The following AGTPBP1 variants were observed in gnomAD, a reference collection of about 807,000 sequenced individuals.
AGTPBP1 encodes the protein cytosolic carboxypeptidase 1.
In AGTPBP1, 70 loss-of-function variants were observed where a neutral mutation model predicts 143.9. The ratio of observed to expected loss-of-function variants is 0.49; its 90% CI spans 0.40 to 0.59. The LOEUF (loss-of-function observed/expected upper bound fraction) is 0.59, where lower values mean the gene tolerates loss of function less well. AGTPBP1 is among the 20% of genes least tolerant of loss of function. AGTPBP1 has a pLI of 0.00. For synonymous variants in AGTPBP1, 463 were observed against 500.2 expected (o/e 0.93, Z 0.99); for missense variants, 1,229 against 1,464.5 (o/e 0.84, Z 2.62).
intron 3 of AGTPBP1, among the ~76,000 whole-genome samples, chr9:85,685,195 G>A (rs1835417152): frequency 6.6e-6 from 1 of 151,460 alleles, no homozygotes; most frequent in Admixed American, 6.6e-5. Flanking sequence ...GAAAATAAGG[G>A]AGAAAAAAAA....
chr9:85,778,023 T>C, the AGTPBP1 span, among the ~76,000 whole-genome samples: 1 of 152,168 alleles, frequency 6.6e-6, no homozygotes, highest in Non-Finnish European at 1.5e-5. Flanking sequence ...CCCTGTCAAC[T>C]GATCATAGGG....
chr9:85,615,313 A>G (rs1349830904), intron 17 of AGTPBP1, among the ~76,000 whole-genome samples: 1 of 152,132 alleles, frequency 6.6e-6, no homozygotes, highest in African/African-American at 2.4e-5. Context: ...GAGAAATCCA[A>G]CTTCTAGGAA....
At chr9:85,647,343 C>T (rs1391930610) in intron 11 of AGTPBP1, among the ~76,000 whole-genome samples, 2 of 152,146 alleles carry the variant, frequency 1.3e-5, no homozygotes, top group African/African-American at 2.4e-5. Flanking sequence ...TTGTATGTGG[C>T]CCATGGGCAG....
At chr9:85,609,446 C>T (rs1030992015) in intron 17 of AGTPBP1, among the ~76,000 whole-genome samples, 1 of 151,994 alleles carries the variant, frequency 6.6e-6, no homozygotes, top group Non-Finnish European at 1.5e-5. Flanking sequence ...AGGTGCCAGG[C>T]TCATTTTTGT....
the AGTPBP1 span, chr9:85,793,623 A>G: frequency 6.6e-6 from 1 of 152,202 alleles, no homozygotes; most frequent in East Asian, 1.9e-4. Context: ...ATAAATCAGA[A>G]AAGAAGAATA....
At chr9:85,572,173 C>T (rs1291236590) in intron 25 of AGTPBP1, among the ~76,000 whole-genome samples, 1 of 151,696 alleles carries the variant, frequency 6.6e-6, no homozygotes, top group Non-Finnish European at 1.5e-5. Flanking sequence ...ACTACAAGCG[C>T]ACACCATCAT....
At position 85,585,378 on chromosome 9, in the gene AGTPBP1, A is replaced by G. The variant is rs1340946627; in HGVS notation, c.3165+85T>C. 44 of 1,249,674 alleles carry G rather than the reference A, an allele frequency of 3.5e-5. No individual in the cohort carries two copies. In the East Asian group the frequency reaches 1.2e-3, roughly 35 times the overall value. The allele number at this position is 1,249,674 out of a possible 1,614,324, so 77.4% of individuals were successfully genotyped here. On this transcript the variant is annotated intron_variant, in intron 23 of 25. Transcript: ENST00000357081. ...AATGGCAAAATGTCAATATTTATTG[A>G]ATGTGAGTAGTTCATATATGTTCTT...
chr9:85,639,664 A>G (rs10117343), intron 13 of AGTPBP1, among the ~76,000 whole-genome samples: 45,531 of 152,154 alleles, frequency 0.3, 7,820 homozygotes, highest in East Asian at 0.54. Context: ...AATTTAACAA[A>G]AGGAAAACAA....
chr9:85,626,043 A>G (rs1344991745), intron 14 of AGTPBP1, among the ~76,000 whole-genome samples: 1 of 93,074 alleles, frequency 1.1e-5, no homozygotes, highest in Non-Finnish European at 2.0e-5. Context: ...CTATAAAAAC[A>G]AAAAAATGCA....
At chr9:85,769,095 G>A in the AGTPBP1 span, among the ~76,000 whole-genome samples, 1 of 151,748 alleles carries the variant, frequency 6.6e-6, no homozygotes, top group Non-Finnish European at 1.5e-5. Context: ...TTTCCTTTGG[G>A]ATTTTAGGGG....
chr9:85,658,603 T>C (rs745560933), intron 9 of AGTPBP1, among the ~76,000 whole-genome samples: 37 of 152,088 alleles, frequency 2.4e-4, no homozygotes, highest in Non-Finnish European at 4.0e-4. Context: ...AATACACCTA[T>C]AAAATACCCA....
At chr9:85,749,490 C>T in the AGTPBP1 span, among the ~76,000 whole-genome samples, 1 of 152,218 alleles carries the variant, frequency 6.6e-6, no homozygotes, top group Non-Finnish European at 1.5e-5. Flanking sequence ...AGCTAACTCT[C>T]TGAGACTCCT....
intron 25 of AGTPBP1, among the ~76,000 whole-genome samples, chr9:85,574,506 G>C (rs1317857004): frequency 6.6e-6 from 1 of 150,658 alleles, no homozygotes; most frequent in South Asian, 2.1e-4. Context: ...AATTATCTCT[G>C]AGCCTACAGC....
rs140838573 is a variant in AGTPBP1 at position 85,668,090 on chromosome 9, G to A, written c.662+1395C>T. ...ATGGCTGATATCTGCTTTAAAATAC[G>A]CTAGGAAAAAAGAAAAACAGAAAGA... On this transcript the variant is annotated intron_variant, in intron 8 of 25. Transcript: ENST00000357081. Among the ~76,000 whole-genome samples the A allele has an allele frequency of 1.3e-3, 200 of 151,912 alleles. 3 individuals carry two copies. The East Asian group carries it at 0.033, about 25-fold the overall frequency.
At chr9:85,625,901 T>TTTA (rs1646272698) in intron 14 of AGTPBP1, among the ~76,000 whole-genome samples, 1 of 100,406 alleles carries the variant, frequency 1.0e-5, no homozygotes, top group African/African-American at 5.1e-5. Context: ...AAAACCTAGT[T>TTTA]TTGTTTTTTT....
chr9:85,753,949 T>C, the AGTPBP1 span, among the ~76,000 whole-genome samples: 1 of 152,200 alleles, frequency 6.6e-6, no homozygotes, highest in Non-Finnish European at 1.5e-5. Flanking sequence ...GTTTGTTAGA[T>C]GGGTATATTG....
the AGTPBP1 span, chr9:85,756,148 G>A: frequency 1.1e-5 from 18 of 1,612,710 alleles, no homozygotes; most frequent in Non-Finnish European, 1.4e-5. Context: ...AATTAGAGGA[G>A]CTGGAAGCAG....
chr9:85,727,435 CA>C lies in AGTPBP1; in HGVS notation c.-34+14339del, dbSNP rs565524912. Among the ~76,000 whole-genome samples, 311 of 152,184 alleles carry C rather than the reference CA, an allele frequency of 2.0e-3. 1 individual carries two copies. The highest frequency in any genetic ancestry group is 3.4e-3 in the Non-Finnish European group (228 of 68,000). On this transcript the variant is annotated intron_variant, in intron 1 of 25. Transcript: ENST00000357081. Reference sequence around the variant, plus strand: ...ATTTTTAAAGTTCTAATTGAAGCTCCAAAAAAGTATTAACTGTTATATAAAA... The same window carrying C: ...ATTTTTAAAGTTCTAATTGAAGCTCCAAAAAGTATTAACTGTTATATAAAA...
At chr9:85,668,968 T>TAC (rs745514438) in intron 8 of AGTPBP1, among the ~76,000 whole-genome samples, 1 of 13,378 alleles carries the variant, frequency 7.5e-5, no homozygotes, top group Non-Finnish European at 1.3e-4. Context: ...CATACATACA[T>TAC]GTGTGTGTGT....
Sources: allele counts gnomAD v4.1 joint callset (sites outside exome capture counted in the v4.1 genomes callset), GRCh38; gene constraint gnomAD v4.1.1; transcripts MANE v1.5; gene names NCBI Gene and HGNC (gene_info 2026-07-23, HGNC 2026-07-21).